The following IGSF11 variants were observed in gnomAD, a reference collection of about 807,000 sequenced individuals.
IGSF11 encodes the protein CXADR like 1.
A neutral mutation model predicts 41.0 loss-of-function variants in IGSF11; 22 were observed. The ratio of observed to expected loss-of-function variants is 0.54; its 90% CI spans 0.38 to 0.77. The LOEUF (loss-of-function observed/expected upper bound fraction) is 0.77. IGSF11 is among the 30% of genes least tolerant of loss of function. The pLI is 0.00. For missense variants in IGSF11, 444 were observed against 530.8 expected (o/e 0.84, Z 1.61); for synonymous variants, 219 against 201.3 (o/e 1.09, Z -0.74).
chr3:119,047,642 A>C (rs534546092), intron 1 of IGSF11, among the ~76,000 whole-genome samples: 1,755 of 152,000 alleles, frequency 0.012, 29 homozygotes, highest in East Asian at 0.075. Context: ...CTGCACCAAG[A>C]GGACGTAATA....
At chr3:118,939,966 A>G (rs913026845) in intron 1 of IGSF11, among the ~76,000 whole-genome samples, 29 of 152,188 alleles carry the variant, frequency 1.9e-4, no homozygotes. Context: ...CAGACTGACA[A>G]AGAATAAAGA....
intron 1 of IGSF11, among the ~76,000 whole-genome samples, chr3:119,056,457 A>C (rs961192190): frequency 6.6e-6 from 1 of 152,158 alleles, no homozygotes; most frequent in Non-Finnish European, 1.5e-5. Flanking sequence ...CAATAACAGG[A>C]TGTGAAATTG....
At chr3:118,903,710 T>C (rs1362082382) in intron 6 of IGSF11, among the ~76,000 whole-genome samples, 1 of 152,234 alleles carries the variant, frequency 6.6e-6, no homozygotes. Flanking sequence ...GGGTACACTT[T>C]ACAATATGTT....
At chr3:118,958,939 C>A (rs1370721520) in intron 1 of IGSF11, among the ~76,000 whole-genome samples, 1 of 152,176 alleles carries the variant, frequency 6.6e-6, no homozygotes, top group Non-Finnish European at 1.5e-5. Context: ...TAGAAGTCAT[C>A]ATTTCATTTC....
At chr3:118,987,659 CAAGG>C (rs1935390401) in intron 1 of IGSF11, among the ~76,000 whole-genome samples, 1 of 152,178 alleles carries the variant, frequency 6.6e-6, no homozygotes. Context: ...TTGAAAAAGA[CAAGG>C]AAGAAAAAAT....
chr3:118,950,636 C>T (rs1179339891), intron 1 of IGSF11, among the ~76,000 whole-genome samples: 2 of 151,574 alleles, frequency 1.3e-5, no homozygotes, highest in Non-Finnish European at 1.5e-5. Flanking sequence ...ATAATAGATA[C>T]ATTATAATAA....
At chr3:119,068,927 C>CTTTTTTTTTT (rs574659492) in intron 1 of IGSF11, among the ~76,000 whole-genome samples, 4 of 81,012 alleles carry the variant, frequency 4.9e-5, no homozygotes, top group East Asian at 3.7e-4. Flanking sequence ...TTTTTTTTTT[C>CTTTTTTTTTT]TTTTTTTTTT....
chr3:119,073,459 G>A (rs2076436448), intron 1 of IGSF11, among the ~76,000 whole-genome samples: 2 of 152,192 alleles, frequency 1.3e-5, no homozygotes, highest in African/African-American at 4.8e-5. Flanking sequence ...GGAGCAGGTG[G>A]TGGCGCCCAT....
chr3:118,965,613 T>C (rs937626584), intron 1 of IGSF11, among the ~76,000 whole-genome samples: 1 of 152,126 alleles, frequency 6.6e-6, no homozygotes, highest in Non-Finnish European at 1.5e-5. Flanking sequence ...GCTGATCTTC[T>C]AAATCTAACA....
At chr3:119,051,231 G>C (rs1238025754) in intron 1 of IGSF11, among the ~76,000 whole-genome samples, 1 of 151,450 alleles carries the variant, frequency 6.6e-6, no homozygotes, top group Non-Finnish European at 1.5e-5. Flanking sequence ...AAGAGATTCA[G>C]CTCACACATA....
rs567222914 is a variant in IGSF11, at chr3:119,017,776, CTTTTTTTTTTTTT to C, written c.52+16742_52+16754del. 6.0e-5 allele frequency among the ~76,000 whole-genome samples: 6 copies of C among 100,264 alleles called. 1 individual carries two copies. The highest frequency in any genetic ancestry group is 2.9e-4 in the East Asian group (1 of 3,482). 65.8% of individuals were successfully genotyped at this position (100,264 alleles called of 152,430 possible). ...AGAACTGAGTTTTTTGTTTGTTTTA[CTTTTTTTTTTTTT>C]TTTTTTTTTTGAGACAGAGTTTCAC... On this transcript the variant is annotated intron_variant, in intron 1 of 6. Coordinates refer to ENST00000393775, the MANE Select transcript of IGSF11 (RefSeq NM_001015887.3).
rs937140029 is a variant in IGSF11, at chr3:118,930,022, G to A, written c.216+90C>T. 138 of 1,344,292 alleles carry A rather than the reference G, an allele frequency of 1.0e-4. 3 individuals are homozygous for A. The South Asian group carries it at 1.6e-3, about 16-fold the overall frequency. The allele number at this position is 1,344,292 out of a possible 1,614,324, so 83.3% of individuals were successfully genotyped here. On this transcript the variant is annotated intron_variant, in intron 2 of 6. Coordinates refer to ENST00000393775, the MANE Select transcript of IGSF11 (RefSeq NM_001015887.3). ...ACATTGACAATGCCACCTTATTCTCGAAACCAAAGATGTACTCATGATGCT... is the reference window on the plus strand; with the variant it reads ...ACATTGACAATGCCACCTTATTCTCAAAACCAAAGATGTACTCATGATGCT...
intron 1 of IGSF11, among the ~76,000 whole-genome samples, chr3:119,101,171 C>A (rs2076934242): frequency 6.6e-6 from 1 of 152,134 alleles, no homozygotes. Context: ...ATTTAAATAG[C>A]CTCTTTTTAC....
In IGSF11 at chr3:119,139,473, T is replaced by C. The variant is rs1013464894; in HGVS notation, c.-14+6340A>G. ...GAATCACAGGGGTGGATCTTTTCTG[T>C]GCTGTTCTCATGAATAAGTCTCATG... On this transcript the variant is annotated intron_variant, in intron 1 of 7. Coordinates refer to the IGSF11 transcript ENST00000425327. Among the ~76,000 whole-genome samples, 4 of 152,216 alleles carry C rather than the reference T, an allele frequency of 2.6e-5. No homozygotes were observed. In the South Asian group the frequency reaches 8.3e-4, roughly 31 times the overall value.
At chr3:118,944,260 T>G (rs1405468795) in intron 1 of IGSF11, among the ~76,000 whole-genome samples, 1 of 152,192 alleles carries the variant, frequency 6.6e-6, no homozygotes, top group African/African-American at 2.4e-5. Flanking sequence ...AGAGGTAATA[T>G]GGCATCATCA....
chr3:118,965,973 A>G (rs928165536), intron 1 of IGSF11, among the ~76,000 whole-genome samples: 1 of 151,994 alleles, frequency 6.6e-6, no homozygotes, highest in African/African-American at 2.4e-5. Context: ...ACCAGGCAAG[A>G]TTAAGGAAAG....
intron 1 of IGSF11, among the ~76,000 whole-genome samples, chr3:119,110,475 T>C (rs1004116098): frequency 2.0e-5 from 3 of 152,234 alleles, no homozygotes; most frequent in African/African-American, 7.2e-5. Context: ...ATTTTGAGCC[T>C]ATGTGTGTCT....
intron 1 of IGSF11, among the ~76,000 whole-genome samples, chr3:119,073,664 C>T (rs2076441903): frequency 6.6e-6 from 1 of 152,212 alleles, no homozygotes. Context: ...CCCTCACTGC[C>T]CAGGGCCGGG....
At chr3:119,073,568 C>T (rs965616685) in intron 1 of IGSF11, among the ~76,000 whole-genome samples, 17 of 152,174 alleles carry the variant, frequency 1.1e-4, no homozygotes, top group African/African-American at 1.9e-4. Context: ...AGCTGAGGCC[C>T]GGTGAAAATT....
Sources: allele counts gnomAD v4.1 joint callset (sites outside exome capture counted in the v4.1 genomes callset), GRCh38; gene constraint gnomAD v4.1.1; transcripts MANE v1.5; gene names NCBI Gene and HGNC (gene_info 2026-07-23, HGNC 2026-07-21).